MACROD2: variants seen among roughly 807,000 people sequenced by gnomAD.
The protein encoded by MACROD2 is ADP-ribose glycohydrolase MACROD2.
In MACROD2, 36 loss-of-function variants were observed where a neutral mutation model predicts 70.4. That is an observed-to-expected ratio of 0.51 (90% CI 0.39 to 0.68). MACROD2 has a LOEUF of 0.68. MACROD2 is among the 30% of genes least tolerant of loss of function. The pLI is 0.00. For missense variants in MACROD2, 496 were observed against 538.4 expected, an observed-to-expected ratio of 0.92 and a Z score of 0.78; for synonymous variants, 172 against 178.8, an observed-to-expected ratio of 0.96 and a Z score of 0.30.
intron 5 of MACROD2, among the ~76,000 whole-genome samples, chr20:14,792,835 G>A (rs116556041): frequency 0.013 from 2,035 of 152,014 alleles, 45 homozygotes; most frequent in African/African-American, 0.046. Flanking sequence ...AGAATGGTGC[G>A]GTCACTGAAT....
In MACROD2 at chr20:14,783,126, G is replaced by A. The variant is rs868047093; in HGVS notation, c.418+98167G>A. On this transcript the variant is annotated intron_variant, in intron 5 of 17. Coordinates refer to ENST00000684519, the MANE Select transcript of MACROD2 (RefSeq NM_001351661.2). ...TGATTCAACACTACTACTTTTCCAT[G>A]TGCGTTTGTAAAAGTATATAACAAT... Among the ~76,000 whole-genome samples the A allele has an allele frequency of 1.8e-4, 27 of 152,090 alleles. 1 individual carries two copies. Among genetic ancestry groups the A allele is most frequent in the African/African-American group, 6.0e-4 (25 of 41,386 alleles).
chr20:14,448,019 T>G (rs2084202601), intron 3 of MACROD2, among the ~76,000 whole-genome samples: 1 of 151,112 alleles, frequency 6.6e-6, no homozygotes, highest in African/African-American at 2.4e-5. Flanking sequence ...TGTGTCTGCA[T>G]GTGTGTATCT....
At chr20:15,755,284 C>T (rs1383865176) in intron 8 of MACROD2, among the ~76,000 whole-genome samples, 1 of 152,182 alleles carries the variant, frequency 6.6e-6, no homozygotes, top group Non-Finnish European at 1.5e-5. Context: ...CCCCATGGTG[C>T]ATTTCAGATG....
chr20:15,738,523 G>A (rs1265300418), intron 8 of MACROD2, among the ~76,000 whole-genome samples: 1 of 152,126 alleles, frequency 6.6e-6, no homozygotes, highest in East Asian at 1.9e-4. Flanking sequence ...AACTTTGAAA[G>A]AGCAGTTCAG....
chr20:15,737,483 A>G (rs1230346686), intron 8 of MACROD2, among the ~76,000 whole-genome samples: 3 of 152,224 alleles, frequency 2.0e-5, no homozygotes, highest in African/African-American at 4.8e-5. Flanking sequence ...TACCAGGGAT[A>G]TGGTGGGAAA....
At chr20:15,861,870 T>A (rs2064429182) in intron 8 of MACROD2, among the ~76,000 whole-genome samples, 1 of 152,166 alleles carries the variant, frequency 6.6e-6, no homozygotes, top group Admixed American at 6.5e-5. Flanking sequence ...AACACCTCAT[T>A]TGATGTTCTA....
intron 8 of MACROD2, among the ~76,000 whole-genome samples, chr20:15,505,653 G>T (rs2047417039): frequency 6.6e-6 from 1 of 152,074 alleles, no homozygotes; most frequent in Admixed American, 6.5e-5. Flanking sequence ...CTCCTCCCTA[G>T]ACAGATCCCA....
chr20:15,524,973 C>T (rs1465658327), intron 8 of MACROD2, among the ~76,000 whole-genome samples: 1 of 152,182 alleles, frequency 6.6e-6, no homozygotes, highest in Non-Finnish European at 1.5e-5. Context: ...CCCAGGCTAT[C>T]TTACAACTAA....
At chr20:15,499,053 T>G (rs1271873165) in intron 7 of MACROD2, among the ~76,000 whole-genome samples, 1 of 152,198 alleles carries the variant, frequency 6.6e-6, no homozygotes. Context: ...TGGCAGAATG[T>G]TTGATGACTC....
At chr20:15,761,661 A>G (rs993712688) in intron 8 of MACROD2, among the ~76,000 whole-genome samples, 4 of 152,220 alleles carry the variant, frequency 2.6e-5, no homozygotes, top group African/African-American at 7.2e-5. Context: ...GGTTGGGGCT[A>G]TGGTGTGGTG....
At chr20:14,860,752 C>A (rs1450563675) in intron 5 of MACROD2, among the ~76,000 whole-genome samples, 3 of 152,084 alleles carry the variant, frequency 2.0e-5, no homozygotes, top group Admixed American at 2.0e-4. Context: ...GACCACACAG[C>A]CTAAGCAAAC....
chr20:14,150,402 C>T (rs974009184), intron 3 of MACROD2, among the ~76,000 whole-genome samples: 1 of 152,130 alleles, frequency 6.6e-6, no homozygotes, highest in Non-Finnish European at 1.5e-5. Flanking sequence ...AATCTTATCC[C>T]GTAATCAAAG....
In MACROD2 at chr20:14,357,518, G is replaced by T. The variant is rs182160260; in HGVS notation, c.272-135961G>T. 1.9e-3 allele frequency among the ~76,000 whole-genome samples: 291 copies of T among 151,990 alleles called. 2 individuals are homozygous for T. The highest frequency in any genetic ancestry group is 6.8e-3 in the African/African-American group (283 of 41,442). On this transcript the variant is annotated intron_variant, in intron 3 of 17. Coordinates refer to ENST00000684519, the MANE Select transcript of MACROD2 (RefSeq NM_001351661.2). ...TATTACACTCCTTCTTTCTTGGTTT[G>T]GTCATATTTCTAGTAGCACTGACCT... is the stretch of plus-strand genomic sequence containing the variant.
chr20:14,110,615 G>T (rs1480859859), intron 3 of MACROD2, among the ~76,000 whole-genome samples: 1 of 151,674 alleles, frequency 6.6e-6, no homozygotes, highest in Non-Finnish European at 1.5e-5. Flanking sequence ...AAATAAAAAG[G>T]TAATCCCATT....
In MACROD2 at chr20:14,128,111, A is replaced by G. The variant is rs1017081432; in HGVS notation, c.271+42383A>G. ...AAGCAGTGGTCATGTGTGCTTGTTC[A>G]CCAGAGAAGGTTGAAATCTTGGCCC... On this transcript the variant is annotated intron_variant, in intron 3 of 17. Transcript: ENST00000684519. 39 of 543,026 alleles carry G rather than the reference A, an allele frequency of 7.2e-5. No individual in the cohort carries two copies. The Admixed American group carries it at 7.9e-4, about 11-fold the overall frequency. 33.6% of individuals were successfully genotyped at this position (543,026 alleles called of 1,614,324 possible). A position where few individuals can be genotyped will look rare whatever the true frequency, so the allele number is the denominator to read the frequency against.
chr20:14,701,347 C>T (rs1424877022), intron 5 of MACROD2, among the ~76,000 whole-genome samples: 1 of 152,132 alleles, frequency 6.6e-6, no homozygotes, highest in Non-Finnish European at 1.5e-5. Context: ...AAACTGAAAG[C>T]TTTTGAAAGC....
chr20:14,648,900 T>G (rs1217635050), intron 4 of MACROD2, among the ~76,000 whole-genome samples: 2 of 152,196 alleles, frequency 1.3e-5, no homozygotes, highest in African/African-American at 4.8e-5. Context: ...TGATTTAAGC[T>G]CCTTTCTCTC....
Position 14,040,731 on chromosome 20 carries a change from A to G in MACROD2, c.163+38327A>G, listed in dbSNP as rs994655185. Among the ~76,000 whole-genome samples, 4 of 152,196 alleles carry G rather than the reference A, an allele frequency of 2.6e-5. No individual in the cohort carries two copies. In the South Asian group the frequency reaches 8.3e-4, roughly 32 times the overall value. On this transcript the variant is annotated intron_variant, in intron 2 of 17. Coordinates refer to ENST00000684519, the MANE Select transcript of MACROD2 (RefSeq NM_001351661.2). The stretch of plus-strand genomic sequence containing the variant: ...TGTAAAAAAGTTAAGTGATTGTGCT[A>G]TGACATTATGACAGCTACAGCATCA...
intron 8 of MACROD2, among the ~76,000 whole-genome samples, chr20:15,782,740 G>T (rs1004845718): frequency 1.7e-4 from 13 of 77,254 alleles, no homozygotes; most frequent in African/African-American, 4.6e-4. Flanking sequence ...AAAAAAAAAA[G>T]TTGTTGGTGA....
Sources: allele counts gnomAD v4.1 joint callset (sites outside exome capture counted in the v4.1 genomes callset), GRCh38; gene constraint gnomAD v4.1.1; transcripts MANE v1.5; gene names NCBI Gene and HGNC (gene_info 2026-07-23, HGNC 2026-07-21).